TTC23: variants seen among roughly 807,000 people sequenced by gnomAD.
TTC23 encodes the protein tetratricopeptide repeat domain 23.
Under a neutral mutation model 55.1 loss-of-function variants are expected in TTC23, and 58 were observed. That is an observed-to-expected ratio of 1.05 (90% confidence interval 0.85 to 1.31). The LOEUF (loss-of-function observed/expected upper bound fraction) is 1.31. TTC23 is among the 50% of genes most tolerant of loss of function. The pLI is 0.00. For missense variants in TTC23, 516 were observed against 534.4 expected, an observed-to-expected ratio of 0.97 and a Z score of 0.34; for synonymous variants, 203 against 199.9, an observed-to-expected ratio of 1.02 and a Z score of -0.13.
intron 8 of TTC23, among the ~76,000 whole-genome samples, chr15:99,205,847 T>C (rs947079661): frequency 4.6e-5 from 7 of 152,206 alleles, no homozygotes; most frequent in Non-Finnish European, 1.0e-4. Context: ...TGTACTATGT[T>C]GAATAAAAAT....
At chr15:99,163,411 C>T (rs1567366534) in intron 10 of TTC23, among the ~76,000 whole-genome samples, 1 of 152,174 alleles carries the variant, frequency 6.6e-6, no homozygotes, top group African/African-American at 2.4e-5. Context: ...GTGCTCATAA[C>T]AGGAACGAAC....
chr15:99,188,940 A>G (rs1596506619), intron 9 of TTC23, among the ~76,000 whole-genome samples: 2 of 152,136 alleles, frequency 1.3e-5, no homozygotes, highest in East Asian at 3.8e-4. Context: ...AAACTTACCA[A>G]TTAAGTTTTG....
chr15:99,185,765 C>T (rs1730884908), intron 9 of TTC23, among the ~76,000 whole-genome samples: 1 of 152,142 alleles, frequency 6.6e-6, no homozygotes, highest in African/African-American at 2.4e-5. Context: ...TTCTTCCGGA[C>T]CCCTGCGGCA....
intron 4 of TTC23, among the ~76,000 whole-genome samples, chr15:99,229,042 A>G (rs2078715214): frequency 1.0e-5 from 1 of 99,092 alleles, no homozygotes; most frequent in African/African-American, 3.6e-5. Context: ...CGTAAAGTCC[A>G]GTAGAAATTA....
At chr15:99,188,826 T>C (rs1050999845) in intron 9 of TTC23, among the ~76,000 whole-genome samples, 4 of 152,090 alleles carry the variant, frequency 2.6e-5, no homozygotes, top group African/African-American at 4.8e-5. Context: ...TTGAAACAGG[T>C]TGTGGGGAAA....
chr15:99,248,417 T>C (rs1567580919), intron 1 of TTC23: 1 of 152,234 alleles, frequency 6.6e-6, no homozygotes, highest in Non-Finnish European at 1.5e-5. Flanking sequence ...ATGAACCTTC[T>C]GCCGCAGTCA....
At chr15:99,219,493 T>G (rs983760498) in intron 6 of TTC23, among the ~76,000 whole-genome samples, 1 of 152,202 alleles carries the variant, frequency 6.6e-6, no homozygotes, top group Non-Finnish European at 1.5e-5. Context: ...AATCATAATG[T>G]CAGAGAGTTA....
intron 8 of TTC23, among the ~76,000 whole-genome samples, chr15:99,218,020 ACT>A (rs2077609188): frequency 6.6e-6 from 1 of 152,142 alleles, no homozygotes; most frequent in Admixed American, 6.5e-5. Flanking sequence ...GTGTGGACAA[ACT>A]CTGTCACCCC....
At chr15:99,141,330 T>C (rs1009956730) in intron 12 of TTC23, among the ~76,000 whole-genome samples, 2 of 152,146 alleles carry the variant, frequency 1.3e-5, no homozygotes, top group African/African-American at 2.4e-5. Context: ...ATGCATATAA[T>C]ATGTATTATA....
Position 99,156,224 on chromosome 15 carries a change from G to GCCACCTCGGGACTGAAA in TTC23, c.1050_1066dup (p.Ala356ValfsTer30). On this transcript the variant is annotated frameshift_variant, in exon 12 of 14. Coordinates refer to ENST00000394132, the MANE Select transcript of TTC23 (RefSeq NM_001288615.3). LOFTEE classifies it high-confidence loss of function. ...TCCTCCCAGGAGCCGGTATGTCTCT[G>GCCACCTCGGGACTGAAA]CCACCTCGGGACTGAAATCGCCAAA... 1 of 1,614,208 alleles carries GCCACCTCGGGACTGAAA rather than the reference G, an allele frequency of 6.2e-7. No individual in the cohort carries two copies. The highest frequency in any genetic ancestry group is 1.6e-4 in the Middle Eastern group (1 of 6,062).
intron 12 of TTC23, among the ~76,000 whole-genome samples, chr15:99,143,864 A>G (rs2068520644): frequency 1.3e-5 from 2 of 152,216 alleles, no homozygotes; most frequent in Admixed American, 6.5e-5. Flanking sequence ...AAGCCGATGC[A>G]GCAGTTGCTA....
chr15:99,241,043 G>A lies in TTC23; in HGVS notation c.-114+322C>T, dbSNP rs183549049. 1.2e-3 allele frequency among the ~76,000 whole-genome samples: 177 copies of A among 152,212 alleles called. 3 individuals are homozygous for A. Among genetic ancestry groups the A allele is most frequent in the Admixed American group, 4.6e-4 (7 of 15,290 alleles). On this transcript the variant is annotated intron_variant, in intron 3 of 13. Coordinates refer to ENST00000394132, the MANE Select transcript of TTC23 (RefSeq NM_001288615.3). Reference sequence around the variant, plus strand: ...TAAAAACATACTTCTCAGGCAGGGCGCGGGGGCTCATGCCTGTAATCCCAC... The same window carrying A: ...TAAAAACATACTTCTCAGGCAGGGCACGGGGGCTCATGCCTGTAATCCCAC...
rs181744084 is a variant in TTC23 at position 99,243,939 on chromosome 15, T to A, written c.-309+1450A>T. ...ACAACAGGGTGACTACAGTCAACAA[T>A]AAGTTATTGTATATTTTAAAATAAC... is the stretch of plus-strand genomic sequence containing the variant. On this transcript the variant is annotated intron_variant, in intron 2 of 13. Coordinates refer to ENST00000394132, the MANE Select transcript of TTC23 (RefSeq NM_001288615.3). 3.6e-3 allele frequency among the ~76,000 whole-genome samples: 550 copies of A among 152,266 alleles called. 10 individuals carry two copies. Among genetic ancestry groups the A allele is most frequent in the African/African-American group, 0.012 (510 of 41,548 alleles).
chr15:99,218,605 G>C lies in TTC23; in HGVS notation c.564C>G (p.Ile188Met). 6.2e-7 allele frequency: 1 copy of C among 1,614,158 alleles called. No homozygotes were observed. The highest frequency in any genetic ancestry group is 8.5e-7 in the Non-Finnish European group (1 of 1,180,034). ...AAACTTACTGTGCAAATGATAATCT[G>C]ATCCGTGCTTCAATTTCTATCCATT... ...KEEWIEIEARIRLSFAQVYQG... is the reference protein window; with the variant it reads ...KEEWIEIEARMRLSFAQVYQG... The change falls in exon 8 of 14, where the codon ATC becomes ATG. Residue 188 changes from isoleucine to methionine, a missense_variant. Coordinates refer to ENST00000394132, the MANE Select transcript of TTC23 (RefSeq NM_001288615.3).
chr15:99,190,942 T>C (rs2602032), intron 9 of TTC23, among the ~76,000 whole-genome samples: 3,431 of 152,092 alleles, frequency 0.023, 124 homozygotes, highest in African/African-American at 0.079. Context: ...TCATCACGTG[T>C]GGCTAATTTT....
At chr15:99,245,225 A>G (rs1373870841) in intron 2 of TTC23, among the ~76,000 whole-genome samples, 164 bp downstream of exon 2, 1 of 152,174 alleles carries the variant, frequency 6.6e-6, no homozygotes, top group African/African-American at 2.4e-5. Flanking sequence ...GAAATGACAT[A>G]TAGAGGCCGG....
intron 5 of TTC23, among the ~76,000 whole-genome samples, chr15:99,225,430 G>A (rs953223319): frequency 6.6e-6 from 1 of 152,148 alleles, no homozygotes; most frequent in East Asian, 1.9e-4. Flanking sequence ...CTGGAAAGTC[G>A]AGATGATTTA....
intron 5 of TTC23, among the ~76,000 whole-genome samples, chr15:99,227,560 T>C (rs1405527466): frequency 6.6e-6 from 1 of 152,316 alleles, no homozygotes; most frequent in African/African-American, 2.4e-5. Context: ...GGCATGCTTC[T>C]GCTTATAACC....
chr15:99,246,206 C>T (rs1254407363), intron 1 of TTC23, among the ~76,000 whole-genome samples: 1 of 152,210 alleles, frequency 6.6e-6, no homozygotes, highest in African/African-American at 2.4e-5. Context: ...ATCTTTACTG[C>T]TTCAAAAGAC....
Sources: allele counts gnomAD v4.1 joint callset (sites outside exome capture counted in the v4.1 genomes callset), GRCh38; gene constraint gnomAD v4.1.1; transcripts MANE v1.5; gene names NCBI Gene and HGNC (gene_info 2026-07-23, HGNC 2026-07-21).